The following PDLIM5 variants were observed in gnomAD, a reference collection of about 807,000 sequenced individuals.
The protein encoded by PDLIM5 is PDZ and LIM domain 5.
A neutral mutation model predicts 64.2 loss-of-function variants in PDLIM5; 34 were observed. The observed-to-expected ratio is 0.53, with a 90% CI of 0.40 to 0.71. The LOEUF is 0.71. PDLIM5 is among the 30% of genes least tolerant of loss of function. PDLIM5 has a pLI of 0.00. For synonymous variants in PDLIM5, 253 were observed against 269.1 expected (o/e 0.94, Z 0.59); for missense variants, 683 against 733.6 (o/e 0.93, Z 0.80).
At chr4:94,472,154 ACACACACGCG>A (rs1273084895) in intron 2 of PDLIM5, among the ~76,000 whole-genome samples, 2 of 152,032 alleles carry the variant, frequency 1.3e-5, no homozygotes, top group Non-Finnish European at 2.9e-5. Flanking sequence ...TTTAATACAC[ACACACACGCG>A]CACACACACA....
Position 94,523,802 on chromosome 4 carries a change from C to G in PDLIM5, c.175C>G (p.Gln59Glu). ...VVLSIDGINA[Q>E]GMTHLEAQNK... is the part of the protein sequence containing the mutation. ...TCTCAGCATTGATGGAATAAATGCA[C>G]AAGGAATGACTCATCTTGAAGCCCA... Residue 59 changes from glutamine to glutamate, a missense_variant, in exon 3 of 13, where the codon CAA becomes GAA. Transcript: ENST00000317968. The G allele has an allele frequency of 1.2e-6, 2 of 1,609,558 alleles. No individual in the cohort carries two copies. Among genetic ancestry groups the G allele is most frequent in the Non-Finnish European group, 1.7e-6 (2 of 1,175,908 alleles).
At chr4:94,452,939 A>G (rs1722997256) in intron 1 of PDLIM5, among the ~76,000 whole-genome samples, 1 of 152,044 alleles carries the variant, frequency 6.6e-6, no homozygotes, top group Non-Finnish European at 1.5e-5. Flanking sequence ...AGCTCTACCT[A>G]CATTCTCTCT....
chr4:94,538,267 A>T (rs1221679325), intron 3 of PDLIM5, among the ~76,000 whole-genome samples: 1 of 149,098 alleles, frequency 6.7e-6, no homozygotes, highest in Non-Finnish European at 1.5e-5. Flanking sequence ...TTTTAGTTGA[A>T]TTACAATGCA....
chr4:94,503,540 C>T (rs1728118511), intron 2 of PDLIM5, among the ~76,000 whole-genome samples: 3 of 152,100 alleles, frequency 2.0e-5, no homozygotes, highest in South Asian at 2.1e-4. Context: ...TAATATTGTC[C>T]AGTTCATGTG....
chr4:94,636,560 A>AT (rs1740583137), intron 8 of PDLIM5, among the ~76,000 whole-genome samples: 1 of 132,492 alleles, frequency 7.5e-6, no homozygotes, highest in South Asian at 2.5e-4. Context: ...TTTTTTTGAG[A>AT]TGGAGTCTTG....
At chr4:94,460,346 C>A (rs776902084) in intron 2 of PDLIM5, among the ~76,000 whole-genome samples, 1 of 151,936 alleles carries the variant, frequency 6.6e-6, no homozygotes, top group Non-Finnish European at 1.5e-5. Context: ...TAGAAAAAAA[C>A]GCACTTATTT....
intron 3 of PDLIM5, among the ~76,000 whole-genome samples, chr4:94,570,318 T>C (rs1195111406): frequency 6.6e-6 from 1 of 152,110 alleles, no homozygotes; most frequent in Non-Finnish European, 1.5e-5. Context: ...CCTGACCAGC[T>C]TTGGGTTATT....
chr4:94,628,215 A>C (rs982945402), intron 8 of PDLIM5, among the ~76,000 whole-genome samples: 1 of 152,212 alleles, frequency 6.6e-6, no homozygotes, highest in African/African-American at 2.4e-5. Flanking sequence ...CACAGCTAGA[A>C]AGCCCAGAAC....
At chr4:94,516,426 G>A (rs1729362493) in intron 2 of PDLIM5, among the ~76,000 whole-genome samples, 1 of 152,102 alleles carries the variant, frequency 6.6e-6, no homozygotes, top group Admixed American at 6.6e-5. Context: ...ATCGGTGATT[G>A]CTTGTTTTAT....
chr4:94,463,856 G>A (rs1272268347), intron 2 of PDLIM5, among the ~76,000 whole-genome samples: 1 of 152,160 alleles, frequency 6.6e-6, no homozygotes, highest in African/African-American at 2.4e-5. Context: ...GACTCAGTGT[G>A]TTTTTATTAT....
intron 7 of PDLIM5, chr4:94,586,987 A>G: frequency 6.6e-7 from 1 of 1,508,814 alleles, no homozygotes; most frequent in Non-Finnish European, 8.9e-7. Flanking sequence ...GTATTTCCAC[A>G]GGGAAAAGAT....
intron 8 of PDLIM5, among the ~76,000 whole-genome samples, chr4:94,625,515 C>T (rs919447330): frequency 4.6e-5 from 7 of 150,736 alleles, no homozygotes; most frequent in African/African-American, 7.3e-5. Flanking sequence ...TGCAGTGGCG[C>T]TATTTAGGCT....
chr4:94,604,047 TGTTAAAG>T (rs1737713451), intron 7 of PDLIM5, among the ~76,000 whole-genome samples: 1 of 152,122 alleles, frequency 6.6e-6, no homozygotes, highest in Non-Finnish European at 1.5e-5. Flanking sequence ...CATTAGGTGG[TGTTAAAG>T]CTACAGGACA....
At chr4:94,468,033 T>C (rs973918027) in intron 2 of PDLIM5, among the ~76,000 whole-genome samples, 43 of 152,232 alleles carry the variant, frequency 2.8e-4, no homozygotes, top group African/African-American at 9.9e-4. Flanking sequence ...ACCTCAGATA[T>C]GTTAAGACCA....
chr4:94,618,923 C>T (rs1396134423), intron 8 of PDLIM5, among the ~76,000 whole-genome samples: 1 of 151,962 alleles, frequency 6.6e-6, no homozygotes, highest in Non-Finnish European at 1.5e-5. Flanking sequence ...CAGACTCAGC[C>T]TTCATCTCTT....
intron 3 of PDLIM5, among the ~76,000 whole-genome samples, chr4:94,542,647 C>A (rs917763957): frequency 1.3e-5 from 2 of 152,118 alleles, no homozygotes; most frequent in Admixed American, 6.6e-5. Flanking sequence ...CCTACACAAG[C>A]AATATTTCAC....
At chr4:94,603,237 G>A (rs1737637930) in intron 7 of PDLIM5, among the ~76,000 whole-genome samples, 1 of 152,154 alleles carries the variant, frequency 6.6e-6, no homozygotes, top group Admixed American at 6.5e-5. Context: ...TCAAAAGAAT[G>A]ATTTGATAAA....
chr4:94,642,584 A>G (rs796079222), intron 9 of PDLIM5, among the ~76,000 whole-genome samples: 6 of 152,336 alleles, frequency 3.9e-5, no homozygotes, highest in African/African-American at 1.4e-4. Context: ...TCAGTTAAGC[A>G]TTAAAGCTTC....
chr4:94,551,994 A>G (rs973748120), intron 3 of PDLIM5, among the ~76,000 whole-genome samples: 3 of 152,194 alleles, frequency 2.0e-5, no homozygotes, highest in Non-Finnish European at 4.4e-5. Context: ...ATTACGTAGT[A>G]AAGTTTACTT....
Sources: gnomAD v4.1 joint callset for allele counts (sites outside exome capture counted in the v4.1 genomes callset) on GRCh38, gnomAD v4.1.1 for gene constraint, MANE v1.5 for transcripts, NCBI Gene and HGNC (gene_info 2026-07-23, HGNC 2026-07-21) for gene names.